Variants in CCDC63 observed in about 807,000 individuals in gnomAD.
CCDC63 encodes coiled-coil domain-containing protein 63.
In CCDC63, 54 loss-of-function variants were observed where a neutral mutation model predicts 63.6. The observed-to-expected ratio is 0.85, with a 90% CI of 0.68 to 1.07. The LOEUF is 1.07. CCDC63 is among the 50% of genes least tolerant of loss of function. The pLI is 0.00. For synonymous variants in CCDC63, 253 were observed against 266.1 expected, an observed-to-expected ratio of 0.95 and a Z score of 0.48; for missense variants, 637 against 689.6, an observed-to-expected ratio of 0.92 and a Z score of 0.86.
intron 8 of CCDC63, among the ~76,000 whole-genome samples, chr12:110,892,589 G>A (rs1046662428): frequency 3.3e-5 from 5 of 152,086 alleles, no homozygotes; most frequent in Non-Finnish European, 5.9e-5. Flanking sequence ...AGGCTGAGGC[G>A]GGCGGATCGC....
At chr12:110,906,632 C>T (rs1183026697) in intron 11 of CCDC63, among the ~76,000 whole-genome samples, 9 of 152,104 alleles carry the variant, frequency 5.9e-5, no homozygotes, top group East Asian at 3.9e-4. Flanking sequence ...AACAAGCACA[C>T]GTGCACACAC....
intron 4 of CCDC63, among the ~76,000 whole-genome samples, chr12:110,865,851 C>T (rs529281398): frequency 1.3e-5 from 2 of 152,232 alleles, no homozygotes; most frequent in South Asian, 2.1e-4. Context: ...CTACTTTCCT[C>T]CCTGGAATAA....
At chr12:110,852,435 T>C (rs2070715869) in intron 1 of CCDC63, among the ~76,000 whole-genome samples, 1 of 152,144 alleles carries the variant, frequency 6.6e-6, no homozygotes, top group Admixed American at 6.5e-5. Flanking sequence ...AATTTTTTTG[T>C]ATTTTTTGTA....
intron 6 of CCDC63, 138 bp downstream of exon 6, chr12:110,880,225 A>T: frequency 2.7e-6 from 2 of 738,152 alleles, no homozygotes; most frequent in Non-Finnish European, 4.5e-6. Context: ...AATTCTGAGC[A>T]CTGACTGTGT....
At chr12:110,855,730 T>A (rs527400078) in intron 3 of CCDC63, among the ~76,000 whole-genome samples, 1 of 152,178 alleles carries the variant, frequency 6.6e-6, no homozygotes, top group African/African-American at 2.4e-5. Flanking sequence ...TATAGGCATG[T>A]GCCACCATAC....
chr12:110,863,545 T>TC (rs1386889597), intron 4 of CCDC63, among the ~76,000 whole-genome samples: 1 of 151,730 alleles, frequency 6.6e-6, no homozygotes, highest in East Asian at 1.9e-4. Context: ...CCAGGGATTT[T>TC]TTTTTTTTTT....
chr12:110,897,201 G>A (rs893015636), intron 9 of CCDC63, among the ~76,000 whole-genome samples: 3 of 151,912 alleles, frequency 2.0e-5, no homozygotes, highest in Non-Finnish European at 4.4e-5. Flanking sequence ...TTGGGAGGCT[G>A]AGGCAGGAGG....
chr12:110,880,721 T>TGA, intron 6 of CCDC63, among the ~76,000 whole-genome samples: 1 of 26,156 alleles, frequency 3.8e-5, no homozygotes, highest in East Asian at 1.3e-3. Context: ...ATGGTGATGA[T>TGA]GGTTATAGTG....
Position 110,852,861 on chromosome 12 carries a change from C to A in CCDC63, c.-94C>A. On this transcript the variant is annotated splice_region_variant and 5_prime_UTR_variant, in exon 2 of 12. Coordinates refer to ENST00000308208, the MANE Select transcript of CCDC63 (RefSeq NM_152591.3). ...CTTCCTTTTGCCACCATGAACAGGG[C>A]ATTGCAGAGAGACAGAGAGAGAGAG... The A allele has an allele frequency of 6.3e-7, 1 of 1,594,226 alleles. No homozygotes were observed. The highest frequency in any genetic ancestry group is 8.6e-7 in the Non-Finnish European group (1 of 1,162,070).
At chr12:110,879,884 T>C in intron 5 of CCDC63, 22 bp from the exon 6 acceptor site, 2 of 1,611,566 alleles carry the variant, frequency 1.2e-6, no homozygotes, top group Non-Finnish European at 1.7e-6. Flanking sequence ...AGACCTGTTT[T>C]GAAGCATGGC....
rs1360457888 is a variant in CCDC63 at position 110,898,921 on chromosome 12, G to A, written c.1150-12G>A. On this transcript the variant is annotated splice_polypyrimidine_tract_variant and intron_variant, in intron 9 of 11. Transcript: ENST00000308208. ...TCCTCCTGAGCAGGTGGGAATTGGGGTCTGCCACCAGGATAAACTGAGGAA... is the reference window on the plus strand; with the variant it reads ...TCCTCCTGAGCAGGTGGGAATTGGGATCTGCCACCAGGATAAACTGAGGAA... 2 of 1,574,894 alleles carry A rather than the reference G, an allele frequency of 1.3e-6. No homozygotes were observed. The highest frequency in any genetic ancestry group is 2.3e-5 in the East Asian group (1 of 43,388).
chr12:110,863,088 G>C (rs932941474), intron 4 of CCDC63, among the ~76,000 whole-genome samples: 1 of 152,122 alleles, frequency 6.6e-6, no homozygotes, highest in African/African-American at 2.4e-5. Context: ...GTTAGTGAGG[G>C]TTTGCACTGA....
At chr12:110,900,773 TA>T (rs759257078) in intron 10 of CCDC63, among the ~76,000 whole-genome samples, 5 of 152,158 alleles carry the variant, frequency 3.3e-5, no homozygotes, top group Non-Finnish European at 7.3e-5. Flanking sequence ...CTAATTTTTG[TA>T]TTTTTAGTAG....
chr12:110,859,981 GC>G (rs2070831771), intron 4 of CCDC63, among the ~76,000 whole-genome samples: 1 of 152,028 alleles, frequency 6.6e-6, no homozygotes, highest in Non-Finnish European at 1.5e-5. Flanking sequence ...CCTTTTCTGT[GC>G]CCCCTCTCCA....
At chr12:110,871,444 A>G (rs891427269) in intron 4 of CCDC63, among the ~76,000 whole-genome samples, 4 of 152,060 alleles carry the variant, frequency 2.6e-5, no homozygotes, top group Non-Finnish European at 4.4e-5. Context: ...CCCAGCCAGG[A>G]CAGTGGTTCT....
At chr12:110,894,218 A>AC (rs2071390927) in intron 9 of CCDC63, among the ~76,000 whole-genome samples, 1 of 151,240 alleles carries the variant, frequency 6.6e-6, no homozygotes, top group Non-Finnish European at 1.5e-5. Flanking sequence ...AACAACAACA[A>AC]AAATCCTCAC....
chr12:110,854,379 C>G (rs534956217), intron 3 of CCDC63, among the ~76,000 whole-genome samples: 1 of 150,454 alleles, frequency 6.6e-6, no homozygotes, highest in African/African-American at 2.4e-5. Flanking sequence ...ACTGCAACCT[C>G]CGCCTCCCGG....
At chr12:110,870,473 C>T (rs1412373636) in intron 4 of CCDC63, among the ~76,000 whole-genome samples, 1 of 152,330 alleles carries the variant, frequency 6.6e-6, no homozygotes, top group African/African-American at 2.4e-5. Context: ...AGGTTATTTA[C>T]GTTTCACTTA....
intron 2 of CCDC63, 142 bp from the exon 3 acceptor site, chr12:110,853,263 C>A: frequency 1.2e-6 from 1 of 812,410 alleles, no homozygotes; most frequent in Non-Finnish European, 1.9e-6. Flanking sequence ...AATAGACAAG[C>A]AGCTGACATC....
Sources: gnomAD v4.1 joint callset for allele counts (sites outside exome capture counted in the v4.1 genomes callset) on GRCh38, gnomAD v4.1.1 for gene constraint, MANE v1.5 for transcripts, NCBI Gene and HGNC (gene_info 2026-07-23, HGNC 2026-07-21) for gene names.